The following EP400 variants were observed in gnomAD, a reference collection of about 807,000 sequenced individuals.
EP400 encodes the protein E1A-binding protein p400.
Under a neutral mutation model 354.1 loss-of-function variants are expected in EP400, and 105 were observed. The ratio of observed to expected loss-of-function variants is 0.30; its 90% CI spans 0.25 to 0.35. The LOEUF is 0.35. Among genes scored for constraint, EP400 ranks in the 10% least tolerant of loss-of-function variants. The probability of loss-of-function intolerance (pLI) is 1.00; values close to 1 mark genes in which losing one functional copy is unlikely to be tolerated. For synonymous variants in EP400, 1,646 were observed against 1,716.9 expected, an observed-to-expected ratio of 0.96 and a Z score of 1.02; for missense variants, 3,280 against 4,121.0, an observed-to-expected ratio of 0.80 and a Z score of 5.59.
At position 131,990,167 on chromosome 12, in the gene EP400, C is replaced by G. The variant is rs1407961482; in HGVS notation, c.2550+63C>G. The G allele has an allele frequency of 3.2e-6, 5 of 1,542,732 alleles. No individual in the cohort carries two copies. Among genetic ancestry groups the G allele is most frequent in the Non-Finnish European group, 4.4e-6 (5 of 1,149,396 alleles). On this transcript the variant is annotated intron_variant, in intron 8 of 52. Coordinates refer to ENST00000389561, the MANE Select transcript of EP400 (RefSeq NM_015409.5). The surrounding 1 kb of genome is among the most constrained non-coding windows in gnomAD (Gnocchi z 4.2). ...TCTGTCGGAGCTGGTGAGGCCACTT[C>G]CCGAGACCAGAGCTCGGGCACCTTG...
chr12:132,041,191 A>G (rs913404522), intron 32 of EP400, among the ~76,000 whole-genome samples: 3 of 152,234 alleles, frequency 2.0e-5, no homozygotes, highest in East Asian at 3.8e-4. Context: ...GACTGTGGCT[A>G]TAGGATTCTT....
intron 12 of EP400, among the ~76,000 whole-genome samples, chr12:132,001,222 A>G (rs1022183359): frequency 2.0e-5 from 3 of 152,082 alleles, no homozygotes; most frequent in African/African-American, 7.2e-5. Context: ...TGGCTGCGCT[A>G]TTATTTATTG....
chr12:131,968,776 A>G (rs1184922656), intron 2 of EP400, among the ~76,000 whole-genome samples: 2 of 152,276 alleles, frequency 1.3e-5, no homozygotes, highest in Non-Finnish European at 2.9e-5. Context: ...TCAGCATACC[A>G]TATATTTTCT....
chr12:132,063,812 A>G (rs1457854557), intron 47 of EP400, among the ~76,000 whole-genome samples: 2 of 152,138 alleles, frequency 1.3e-5, no homozygotes, highest in Non-Finnish European at 2.9e-5. Flanking sequence ...CTGCATGGCC[A>G]TATGTGGCTG....
At position 132,043,434 on chromosome 12, in the gene EP400, T is replaced by C. The variant is rs1894980726; in HGVS notation, c.6338T>C (p.Leu2113Ser). 6.2e-7 allele frequency: 1 copy of C among 1,613,116 alleles called. No individual in the cohort carries two copies. Among genetic ancestry groups the C allele is most frequent in the African/African-American group, 1.3e-5 (1 of 74,902 alleles). Reference protein sequence around the residue: ...NMPCDEEPSQLEELADFMEQL... With the variant: ...NMPCDEEPSQSEELADFMEQL... ...CCGTGTGATGAAGAACCATCCCAAT[T>C]AGAGGAGCTAGCTGACTTCATGGAG... Residue 2113 changes from leucine to serine, a missense_variant, in exon 33 of 53, where the codon TTA becomes TCA. Around this residue, in one of 20 missense-constraint regions of EP400, gnomAD observed 54 missense variants for 41.3 expected, o/e 1.31. Coordinates refer to ENST00000389561, the MANE Select transcript of EP400 (RefSeq NM_015409.5).
chr12:132,045,902 T>G lies in EP400; in HGVS notation c.7200+2T>G. 6.2e-7 allele frequency: 1 copy of G among 1,614,088 alleles called. No individual in the cohort carries two copies. Among genetic ancestry groups the G allele is most frequent in the Non-Finnish European group, 8.5e-7 (1 of 1,179,970 alleles). Reference sequence around the variant, plus strand: ...ATCATTCCACGAGAGGAGGGGAAGGTAAGCACGGTCTCGTTTGTCCTTCGA... The same window carrying G: ...ATCATTCCACGAGAGGAGGGGAAGGGAAGCACGGTCTCGTTTGTCCTTCGA... On this transcript the variant is annotated splice_donor_variant, in intron 39 of 52. Coordinates refer to ENST00000389561, the MANE Select transcript of EP400 (RefSeq NM_015409.5). LOFTEE classifies it high-confidence loss of function.
chr12:132,057,227 T>G (rs1009870855), intron 45 of EP400, among the ~76,000 whole-genome samples: 9 of 152,228 alleles, frequency 5.9e-5, no homozygotes, highest in African/African-American at 1.7e-4. Flanking sequence ...TATAGTGGCT[T>G]TATTCAGGAT....
rs76260993 is a variant in EP400 at position 132,041,148 on chromosome 12, C to G, written c.6208-2156C>G. Among the ~76,000 whole-genome samples, 2 of 152,224 alleles carry G rather than the reference C, an allele frequency of 1.3e-5. 1 individual carries two copies. Among genetic ancestry groups the G allele is most frequent in the Admixed American group, 1.3e-4 (2 of 15,282 alleles). ...CCTTTTGCCAGCGGAGACAGATCCA[C>G]GTTAGCGTGCTGTACTCGTACCTGC... On this transcript the variant is annotated intron_variant, in intron 32 of 52. Transcript: ENST00000389561.
chr12:132,072,646 A>G (rs1223072773), intron 51 of EP400, among the ~76,000 whole-genome samples: 1 of 152,146 alleles, frequency 6.6e-6, no homozygotes, highest in Admixed American at 6.5e-5. Flanking sequence ...TTCACTTGTG[A>G]GATGATTTTG....
rs1299137033 is a variant in EP400, at chr12:132,044,252, C to T, written c.6526C>T (p.Arg2176Trp). ...CCTGCAGGAGAGGGAGGCCCGGCTG[C>T]GGCTGGAGCAGGAGGAGGCGGAGCT... The part of the protein sequence containing the change: ...KTLQEREARL[R>W]LEQEEAELLT... Residue 2176 changes from arginine to tryptophan, a missense_variant, in exon 35 of 53, where the codon CGG becomes TGG. Arg to Trp is a moderately radical substitution (Grantham distance 101). This residue lies in a region of EP400 where 231 missense variants were observed against 257.9 expected (regional missense o/e 0.90). Coordinates refer to ENST00000389561, the MANE Select transcript of EP400 (RefSeq NM_015409.5). 4 of 1,614,050 alleles carry T rather than the reference C, an allele frequency of 2.5e-6. No individual in the cohort carries two copies. The highest frequency in any genetic ancestry group is 1.7e-5 in the Admixed American group (1 of 60,012).
rs754931574 is a variant in EP400 at position 131,961,709 on chromosome 12, A to G, written c.1090A>G (p.Met364Val). The G allele has an allele frequency of 1.2e-6, 2 of 1,614,206 alleles. No homozygotes were observed. The highest frequency in any genetic ancestry group is 8.5e-7 in the Non-Finnish European group (1 of 1,180,036). ...IPPASPEMAQ[M>V]RKQCLDYHYQ... Reference sequence around the variant, plus strand: ...CCCAGCCTCTCCGGAGATGGCACAGATGAGGAAGCAGTGCCTGGACTATCA... The same window carrying G: ...CCCAGCCTCTCCGGAGATGGCACAGGTGAGGAAGCAGTGCCTGGACTATCA... The change falls in exon 2 of 53, where the codon ATG (methionine) becomes GTG (valine). Residue 364 changes from methionine (M) to valine (V), a missense_variant. Physicochemically the swap from Met to Val is conservative, Grantham distance 21 (BLOSUM62 1). Around this residue, in one of 20 missense-constraint regions of EP400, gnomAD observed 85 missense variants for 180.3 expected, o/e 0.47. Transcript: ENST00000389561.
At chr12:132,004,721 G>A (rs75049294) in intron 12 of EP400, among the ~76,000 whole-genome samples, 2,588 of 152,252 alleles carry the variant, frequency 0.017, 74 homozygotes, top group African/African-American at 0.059. Flanking sequence ...TGCAAGTACA[G>A]TGCTGTTTCC....
chr12:132,017,234 C>T lies in EP400; in HGVS notation c.3924-301C>T, dbSNP rs1893973383. Among the ~76,000 whole-genome samples, 1 of 152,252 alleles carries T rather than the reference C, an allele frequency of 6.6e-6. No homozygotes were observed. The highest frequency in any genetic ancestry group is 1.5e-5 in the Non-Finnish European group (1 of 68,046). On this transcript the variant is annotated intron_variant, in intron 19 of 52. Coordinates refer to ENST00000389561, the MANE Select transcript of EP400 (RefSeq NM_015409.5). This position sits in a 1 kb window ranked among gnomAD's most constrained non-coding sequence, Gnocchi z 5.0. ...TCACCCTGCCCCTCACTTTGCTCAT[C>T]CCCCTTGGATGCCCCCACTTCTCTT...
intron 5 of EP400, 121 bp from the exon 6 acceptor site, chr12:131,986,393 C>T (rs1566173763): frequency 2.2e-6 from 2 of 907,276 alleles, no homozygotes; most frequent in East Asian, 2.5e-5. Context: ...CTGCTTGCAT[C>T]GTGGAGCGGA....
At chr12:131,982,518 A>G (rs367592310) in intron 5 of EP400, 40 bp downstream of exon 5, 65 of 1,552,502 alleles carry the variant, frequency 4.2e-5, no homozygotes, top group Admixed American at 1.1e-4. Context: ...AATGGTTTGC[A>G]GGATTTGCTG....
intron 2 of EP400, among the ~76,000 whole-genome samples, chr12:131,972,590 G>A (rs755693218): frequency 6.6e-6 from 1 of 152,064 alleles, no homozygotes; most frequent in Non-Finnish European, 1.5e-5. Context: ...GTGCAGGGGT[G>A]TTGCATATAA....
intron 5 of EP400, among the ~76,000 whole-genome samples, chr12:131,983,522 G>A (rs1892751686): frequency 6.6e-6 from 1 of 152,228 alleles, no homozygotes. Context: ...CGTCAACAGG[G>A]CACTGACAGG....
intron 5 of EP400, among the ~76,000 whole-genome samples, chr12:131,985,143 G>A (rs1358464930): frequency 6.6e-6 from 1 of 151,982 alleles, no homozygotes; most frequent in Admixed American, 6.6e-5. Context: ...GGCGTGAGCC[G>A]CCACACCCAG....
intron 39 of EP400, among the ~76,000 whole-genome samples, chr12:132,047,217 G>A (rs369607241): frequency 3.3e-5 from 5 of 151,992 alleles, no homozygotes; most frequent in African/African-American, 1.2e-4. Flanking sequence ...AGTTTTCTTC[G>A]TAATACCACT....
Sources: allele counts gnomAD v4.1 joint callset (sites outside exome capture counted in the v4.1 genomes callset), GRCh38; gene constraint gnomAD v4.1.1; regional missense constraint gnomAD v4.1.1; non-coding constraint Gnocchi (gnomAD v3.1); transcripts MANE v1.5; gene names NCBI Gene and HGNC (gene_info 2026-07-23, HGNC 2026-07-21).